SYT1: variants seen among roughly 807,000 people sequenced by gnomAD.
SYT1 encodes synaptotagmin-1.
In SYT1, 8 loss-of-function variants were observed where a neutral mutation model predicts 44.8. That is an observed-to-expected ratio of 0.18 (90% CI 0.10 to 0.32). The LOEUF (loss-of-function observed/expected upper bound fraction) is 0.32, where lower values mean the gene tolerates loss of function less well. Ranked by LOEUF, SYT1 falls within the 10% of genes least tolerant of loss-of-function variation. The pLI is 1.00. For missense variants in SYT1, 286 were observed against 509.3 expected (o/e 0.56, Z 4.22); for synonymous variants, 154 against 188.8 (o/e 0.82, Z 1.51).
intron 9 of SYT1, among the ~76,000 whole-genome samples, chr12:79,370,482 G>A (rs954078005): frequency 3.3e-5 from 5 of 152,176 alleles, no homozygotes; most frequent in African/African-American, 1.2e-4. Flanking sequence ...CTGAGTTAGG[G>A]CCGGGCGCGG....
chr12:79,208,060 G>A (rs570119156), intron 3 of SYT1, among the ~76,000 whole-genome samples: 36 of 152,238 alleles, frequency 2.4e-4, no homozygotes, highest in African/African-American at 8.4e-4. Context: ...ACTTACAGCT[G>A]CATCTCTCTG....
intron 4 of SYT1, among the ~76,000 whole-genome samples, chr12:79,249,197 C>T (rs1268077507): frequency 1.3e-5 from 2 of 149,840 alleles, no homozygotes; most frequent in African/African-American, 2.5e-5. Flanking sequence ...CTCCGCTTCC[C>T]GGGTTCACGC....
intron 1 of SYT1, among the ~76,000 whole-genome samples, chr12:78,910,901 G>A (rs550666345): frequency 6.6e-6 from 1 of 152,050 alleles, no homozygotes; most frequent in Admixed American, 6.6e-5. Context: ...GGGCAGACAA[G>A]AGAATGAAAA....
intron 9 of SYT1, among the ~76,000 whole-genome samples, chr12:79,438,251 C>T (rs1855496094): frequency 6.6e-6 from 1 of 152,070 alleles, no homozygotes. Flanking sequence ...TATATCATCT[C>T]CTCTTACTCC....
chr12:79,206,198 T>C (rs1565854816), intron 3 of SYT1, among the ~76,000 whole-genome samples: 1 of 152,258 alleles, frequency 6.6e-6, no homozygotes, highest in African/African-American at 2.4e-5. Flanking sequence ...TTTCTAAATC[T>C]GTTCTCAATA....
intron 9 of SYT1, among the ~76,000 whole-genome samples, chr12:79,434,922 C>A (rs979681030): frequency 3.3e-5 from 5 of 152,042 alleles, no homozygotes; most frequent in African/African-American, 1.2e-4. Context: ...TAAAATTGAG[C>A]TTACCCCCAA....
rs537189221 is a variant in SYT1, at chr12:79,156,477, GT to G, written c.-17-61024del. On this transcript the variant is annotated intron_variant, in intron 3 of 10. Coordinates refer to ENST00000261205, the MANE Select transcript of SYT1 (RefSeq NM_005639.3). ...TGTTGTTGTTGTTGTTGTTCTTGTTGTTGTTGTTGTTATGGAGTCTCGCTCT... is the reference window on the plus strand; with the variant it reads ...TGTTGTTGTTGTTGTTGTTCTTGTTGTGTTGTTGTTATGGAGTCTCGCTCT... 3.9e-5 allele frequency among the ~76,000 whole-genome samples: 6 copies of G among 152,034 alleles called. No individual in the cohort carries two copies. The South Asian group carries it at 1.2e-3, about 32-fold the overall frequency.
chr12:79,374,093 G>A (rs995157035), intron 9 of SYT1, among the ~76,000 whole-genome samples: 11 of 152,110 alleles, frequency 7.2e-5, no homozygotes, highest in Non-Finnish European at 1.3e-4. Flanking sequence ...GCGCTTCCAT[G>A]CCACCCTCAG....
chr12:78,959,450 A>C (rs945887737), intron 1 of SYT1, among the ~76,000 whole-genome samples: 1 of 152,204 alleles, frequency 6.6e-6, no homozygotes, highest in African/African-American at 2.4e-5. Context: ...ACATAAAAAT[A>C]CTGATTTTAT....
chr12:78,908,433 A>G (rs919862503), intron 1 of SYT1, among the ~76,000 whole-genome samples: 1 of 151,794 alleles, frequency 6.6e-6, no homozygotes, highest in African/African-American at 2.4e-5. Flanking sequence ...CCTTAAGGGC[A>G]CATGGTACAA....
intron 2 of SYT1, among the ~76,000 whole-genome samples, chr12:79,018,121 T>A (rs977450149): frequency 4.0e-5 from 6 of 151,704 alleles, no homozygotes; most frequent in African/African-American, 1.5e-4. Context: ...TAGACTGGAT[T>A]AAGAAAATGT....
chr12:79,319,201 G>A (rs961447401), intron 8 of SYT1, among the ~76,000 whole-genome samples: 1 of 152,146 alleles, frequency 6.6e-6, no homozygotes, highest in African/African-American at 2.4e-5. Context: ...TTGGTAAACA[G>A]TGCTCTCTAT....
chr12:79,081,954 A>G (rs1454712297), intron 3 of SYT1, among the ~76,000 whole-genome samples: 1 of 152,172 alleles, frequency 6.6e-6, no homozygotes, highest in Non-Finnish European at 1.5e-5. Flanking sequence ...CCTGAAATAA[A>G]TACAAAAATA....
At chr12:79,443,826 A>G (rs536583273) in intron 9 of SYT1, among the ~76,000 whole-genome samples, 111 of 152,264 alleles carry the variant, frequency 7.3e-4, no homozygotes, top group African/African-American at 2.6e-3. Context: ...TATTCCCACA[A>G]AGAGCTGGTT....
At chr12:79,165,489 A>T (rs1871176875) in intron 3 of SYT1, among the ~76,000 whole-genome samples, 1 of 151,954 alleles carries the variant, frequency 6.6e-6, no homozygotes, top group Non-Finnish European at 1.5e-5. Context: ...ATTTTATTTG[A>T]TGGTTTACTG....
At chr12:78,978,679 T>C (rs1215943423) in intron 2 of SYT1, among the ~76,000 whole-genome samples, 1 of 152,192 alleles carries the variant, frequency 6.6e-6, no homozygotes, top group East Asian at 1.9e-4. Flanking sequence ...TATCTCATGA[T>C]CTTTATTTGG....
chr12:79,383,299 G>T (rs1406459011), intron 9 of SYT1, among the ~76,000 whole-genome samples: 4 of 152,168 alleles, frequency 2.6e-5, no homozygotes, highest in Non-Finnish European at 5.9e-5. Context: ...ACAAAGGTAA[G>T]TAAGTATTTG....
At chr12:79,029,302 T>C (rs1408169423) in intron 2 of SYT1, among the ~76,000 whole-genome samples, 1 of 151,024 alleles carries the variant, frequency 6.6e-6, no homozygotes, top group African/African-American at 2.4e-5. Context: ...ATTGTTTTTG[T>C]TTCTTTTCTT....
At chr12:79,276,474 G>A (rs145668631) in intron 4 of SYT1, among the ~76,000 whole-genome samples, 1,675 of 151,822 alleles carry the variant, frequency 0.011, 30 homozygotes, top group African/African-American at 0.037. Flanking sequence ...TCAAGAGATC[G>A]AGACCATCCT....
Sources: allele counts gnomAD v4.1 joint callset (sites outside exome capture counted in the v4.1 genomes callset), GRCh38; gene constraint gnomAD v4.1.1; transcripts MANE v1.5; gene names NCBI Gene and HGNC (gene_info 2026-07-23, HGNC 2026-07-21).